Variants in PRELID2 observed in about 807,000 individuals in gnomAD.
The protein encoded by PRELID2 is PRELI domain containing 2.
A neutral mutation model predicts 28.4 loss-of-function variants in PRELID2; 25 were observed. The ratio of observed to expected loss-of-function variants is 0.88; its 90% CI spans 0.64 to 1.23. The LOEUF is 1.23. Ranked by LOEUF, PRELID2 falls within the 50% of genes most tolerant of loss-of-function variation. The probability of loss-of-function intolerance (pLI) is 0.00; values close to 1 mark genes in which losing one functional copy is unlikely to be tolerated. For synonymous variants in PRELID2, 76 were observed against 71.6 expected (o/e 1.06, Z -0.31); for missense variants, 201 against 214.4 (o/e 0.94, Z 0.39).
intron 1 of PRELID2, among the ~76,000 whole-genome samples, chr5:145,503,472 A>G (rs760728546): frequency 1.3e-5 from 2 of 152,202 alleles, no homozygotes; most frequent in Non-Finnish European, 2.9e-5. Flanking sequence ...GCTCACATTT[A>G]TTAAGCTCCT....
At chr5:145,467,228 G>T (rs1361024870), downstream of PRELID2, among the ~76,000 whole-genome samples, 1 of 152,050 alleles carries the variant, frequency 6.6e-6, no homozygotes, top group Non-Finnish European at 1.5e-5. Flanking sequence ...AAGAGTATTT[G>T]TCCTTAGGGA....
At chr5:145,463,331 T>A in the PRELID2 span, among the ~76,000 whole-genome samples, 1 of 140,338 alleles carries the variant, frequency 7.1e-6, no homozygotes, top group East Asian at 2.0e-4. Context: ...ACTCAAAGCA[T>A]CCTATTTGAA....
chr5:145,334,065 G>A, the PRELID2 span, among the ~76,000 whole-genome samples: 16 of 152,112 alleles, frequency 1.1e-4, no homozygotes, highest in Middle Eastern at 3.4e-3. Context: ...GTGAACCGAC[G>A]CCCCACCCTG....
chr5:145,608,161 A>G (rs968568605), intron 1 of PRELID2, among the ~76,000 whole-genome samples: 1 of 151,780 alleles, frequency 6.6e-6, no homozygotes, highest in African/African-American at 2.4e-5. Context: ...ATGTGAAGTG[A>G]GTCACTTATA....
intron 1 of PRELID2, among the ~76,000 whole-genome samples, chr5:145,480,915 G>A (rs763779988): frequency 2.0e-4 from 31 of 152,080 alleles, no homozygotes; most frequent in Admixed American, 1.4e-3. Context: ...GAATAGAAAT[G>A]GAAATGTTTT....
At chr5:145,833,590 C>T (rs1194552970) in intron 1 of PRELID2, among the ~76,000 whole-genome samples, 3 of 152,184 alleles carry the variant, frequency 2.0e-5, no homozygotes, top group South Asian at 2.1e-4. Flanking sequence ...TGAAAATCAA[C>T]GAACATATCA....
At chr5:145,346,521 A>G in the PRELID2 span, among the ~76,000 whole-genome samples, 1 of 152,192 alleles carries the variant, frequency 6.6e-6, no homozygotes, top group African/African-American at 2.4e-5. Context: ...ATTATTGACT[A>G]AAGATAGCCT....
At chr5:145,451,219 T>C in the PRELID2 span, 1 of 152,424 alleles carries the variant, frequency 6.6e-6, no homozygotes, top group Admixed American at 6.5e-5. Context: ...CCCACCACTT[T>C]TCTAGGCTCC....
At chr5:145,396,801 A>C in the PRELID2 span, among the ~76,000 whole-genome samples, 1 of 150,376 alleles carries the variant, frequency 6.6e-6, no homozygotes, top group African/African-American at 2.5e-5. Context: ...TTGGAGACTC[A>C]ATAACACGGG....
At chr5:145,340,770 C>CATATATATATATATATATATATAT in the PRELID2 span, among the ~76,000 whole-genome samples, 69 of 116,538 alleles carry the variant, frequency 5.9e-4, no homozygotes, top group Non-Finnish European at 7.4e-4. Context: ...TAAAAATATA[C>CATATATATATATATATATATATAT]ATATATATAT....
the PRELID2 span, among the ~76,000 whole-genome samples, chr5:145,286,910 A>G: frequency 6.6e-6 from 1 of 152,004 alleles, no homozygotes; most frequent in Non-Finnish European, 1.5e-5. Flanking sequence ...GAGTTTCACC[A>G]TATTGGCCAG....
chr5:145,259,624 G>A, the PRELID2 span, among the ~76,000 whole-genome samples: 2 of 152,136 alleles, frequency 1.3e-5, no homozygotes, highest in East Asian at 3.9e-4. Context: ...TTTCACTTTT[G>A]GAATGAGAAT....
At chr5:145,421,337 A>T in the PRELID2 span, among the ~76,000 whole-genome samples, 1 of 150,410 alleles carries the variant, frequency 6.6e-6, no homozygotes, top group African/African-American at 2.5e-5. Flanking sequence ...CCTCTGGTAG[A>T]ATTCGGCTGT....
chr5:145,682,985 T>C (rs562066297), intron 1 of PRELID2, among the ~76,000 whole-genome samples: 1 of 152,192 alleles, frequency 6.6e-6, no homozygotes, highest in South Asian at 2.1e-4. Context: ...ATAATTAATT[T>C]ATGATTCTAA....
At chr5:145,296,269 C>T in the PRELID2 span, among the ~76,000 whole-genome samples, 5 of 151,578 alleles carry the variant, frequency 3.3e-5, no homozygotes, top group African/African-American at 1.2e-4. Flanking sequence ...TATACATGTG[C>T]CATGCTGGTG....
At chr5:145,637,049 A>G (rs1181241593) in intron 1 of PRELID2, among the ~76,000 whole-genome samples, 1 of 152,202 alleles carries the variant, frequency 6.6e-6, no homozygotes, top group Non-Finnish European at 1.5e-5. Context: ...GGGTCTAAAT[A>G]AAGGTCATAT....
chr5:145,543,481 TG>T (rs1029359537), intron 1 of PRELID2, among the ~76,000 whole-genome samples: 1 of 152,174 alleles, frequency 6.6e-6, no homozygotes, highest in Non-Finnish European at 1.5e-5. Context: ...GCCCTTTTTT[TG>T]ATTCCTAAAT....
the PRELID2 span, among the ~76,000 whole-genome samples, chr5:145,448,156 T>C: frequency 6.6e-6 from 1 of 151,848 alleles, no homozygotes; most frequent in Non-Finnish European, 1.5e-5. Flanking sequence ...TTTTTAATGA[T>C]TGCCATTCTA....
the PRELID2 span, among the ~76,000 whole-genome samples, chr5:145,317,897 A>C: frequency 2.9e-3 from 442 of 152,310 alleles, 1 homozygote; most frequent in African/African-American, 9.9e-3. Context: ...TACAGAGATC[A>C]TCAAAATTCT....
Sources: gnomAD v4.1 joint callset for allele counts (sites outside exome capture counted in the v4.1 genomes callset) on GRCh38, gnomAD v4.1.1 for gene constraint, MANE v1.5 for transcripts, NCBI Gene and HGNC (gene_info 2026-07-23, HGNC 2026-07-21) for gene names.